The following EML2 variants were observed in gnomAD, a reference collection of about 807,000 sequenced individuals.
The protein encoded by EML2 is EMAP like 2, also known as echinoderm microtubule-associated protein-like 2.
Under a neutral mutation model 84.7 loss-of-function variants are expected in EML2, and 59 were observed. The ratio of observed to expected loss-of-function variants is 0.70; its 90% CI spans 0.56 to 0.86. EML2 has a LOEUF of 0.86. Among genes scored for constraint, EML2 ranks in the 40% least tolerant of loss-of-function variants. EML2 has a pLI of 0.00. For missense variants in EML2, 818 were observed against 855.6 expected (o/e 0.96, Z 0.55); for synonymous variants, 352 against 348.9 (o/e 1.01, Z -0.10).
upstream of EML2, chr19:45,641,803 C>T (rs1463478709): frequency 6.6e-6 from 10 of 1,524,896 alleles, no homozygotes; most frequent in Non-Finnish European, 7.9e-6. Context: ...AGGCGAGTGC[C>T]GTGAGCAAGC....
rs978847016 is a variant in EML2 at position 45,618,649 on chromosome 19, T to C, written c.1254+411A>G. Reference sequence around the variant, plus strand: ...TCCCTAGATGAAACCCCCACCCTGCTTAAAAAGACCTTGTTTGGGCCAGGC... The same window carrying C: ...TCCCTAGATGAAACCCCCACCCTGCCTAAAAAGACCTTGTTTGGGCCAGGC... On this transcript the variant is annotated intron_variant, in intron 12 of 18. Transcript: ENST00000245925. 3.9e-5 allele frequency among the ~76,000 whole-genome samples: 6 copies of C among 152,174 alleles called. No homozygotes were observed. In the South Asian group the frequency reaches 1.2e-3, roughly 32 times the overall value.
Position 45,624,742 on chromosome 19 carries a change from C to A in EML2, c.818G>T (p.Gly273Val). ...GGDVVTGDSG[G>V]NLYVWGKGGN... is the part of the protein sequence containing the mutation. The stretch of plus-strand genomic sequence containing the variant: ...ACCTTTGCCCCAAACATAGAGGTTC[C>A]CCCCAGAGTCCCCCGTGACCACGTC... The change falls in exon 9 of 19, where the codon GGG becomes GTG. Residue 273 changes from glycine (G) to valine (V), a missense_variant. Transcript: ENST00000245925. 2 of 1,613,756 alleles carry A rather than the reference C, an allele frequency of 1.2e-6. No individual in the cohort carries two copies. Among genetic ancestry groups the A allele is most frequent in the South Asian group, 1.1e-5 (1 of 91,034 alleles).
upstream of EML2, chr19:45,644,958 A>C: frequency 2.1e-6 from 1 of 472,658 alleles, no homozygotes; most frequent in East Asian, 4.3e-5. Flanking sequence ...GGGAGAGAGA[A>C]AGGGCAGAGT....
At position 45,613,597 on chromosome 19, in the gene EML2, A is replaced by G; in HGVS notation, c.1768T>C (p.Ser590Pro). 6.2e-7 allele frequency: 1 copy of G among 1,614,110 alleles called. No individual in the cohort carries two copies. Among genetic ancestry groups the G allele is most frequent in the Non-Finnish European group, 8.5e-7 (1 of 1,180,010 alleles). ...ARSHDGKLLA[S>P]ADDFGKVHLF... ...TGAACTTTGCCAAAGTCATCAGCTG[A>G]AGCCAGCAACTTCCCATCATGAGAG... Residue 590 changes from serine to proline, a missense_variant, in exon 18 of 19, where the codon TCA becomes CCA. Ser to Pro is a moderately conservative substitution (Grantham distance 74). Coordinates refer to ENST00000245925, the MANE Select transcript of EML2 (RefSeq NM_012155.4).
Position 45,609,652 on chromosome 19 carries a change from C to T in EML2, c.*11G>A, listed in dbSNP as rs1274292220. ...ATTCCTGCCCTGACACCTGACTCTT[C>T]CCTGGCCGCATCAGACCACCCGCCA... On this transcript the variant is annotated 3_prime_UTR_variant, in exon 19 of 19. Coordinates refer to ENST00000245925, the MANE Select transcript of EML2 (RefSeq NM_012155.4). 1 of 1,594,488 alleles carries T rather than the reference C, an allele frequency of 6.3e-7. No homozygotes were observed. The highest frequency in any genetic ancestry group is 1.1e-5 in the South Asian group (1 of 89,210).
chr19:45,629,254 G>C (rs8102440), intron 7 of EML2, among the ~76,000 whole-genome samples: 75,868 of 151,586 alleles, frequency 0.5, 19,223 homozygotes, highest in East Asian at 0.63. Flanking sequence ...CTTAGCCTCC[G>C]AAGTAGCTGG....
chr19:45,637,670 T>TTC, intron 3 of EML2, among the ~76,000 whole-genome samples: 1 of 58,588 alleles, frequency 1.7e-5, no homozygotes, highest in Non-Finnish European at 3.6e-5. Context: ...TTCTTTTCTT[T>TTC]TTTTTTTTTT....
chr19:45,610,019 T>C (rs1027339376), intron 18 of EML2, among the ~76,000 whole-genome samples: 4 of 152,082 alleles, frequency 2.6e-5, no homozygotes. Context: ...ATCACAGATA[T>C]GCGCCCCCAC....
At chr19:45,612,888 C>CTT (rs35806359) in intron 18 of EML2, among the ~76,000 whole-genome samples, 20 of 149,276 alleles carry the variant, frequency 1.3e-4, no homozygotes, top group East Asian at 1.2e-3. Context: ...TAACGTCCAG[C>CTT]TTTTTTTTTT....
At position 45,634,416 on chromosome 19, in the gene EML2, C is replaced by T. The variant is rs190689556; in HGVS notation, c.235G>A (p.Glu79Lys). 6.8e-6 allele frequency: 11 copies of T among 1,614,022 alleles called. No homozygotes were observed. The East Asian group carries it at 1.6e-4, about 23-fold the overall frequency. The change falls in exon 4 of 19, where the codon GAG (glutamate) becomes AAG (lysine). Residue 79 changes from glutamate (E) to lysine (K), a missense_variant. Glu to Lys is a moderately conservative substitution (Grantham distance 56). Coordinates refer to ENST00000245925, the MANE Select transcript of EML2 (RefSeq NM_012155.4). ...RANLYLLPTGEIVYFVASVAV... is the reference protein window; with the variant it reads ...RANLYLLPTGKIVYFVASVAV... ...ACGGAGGCCACAAAGTACACTATCT[C>T]CCCGGTGGGCAGCAAATAAAGGTTG...
chr19:45,619,128 C>G lies in EML2; in HGVS notation c.1186G>C (p.Gly396Arg). 6.2e-7 allele frequency: 1 copy of G among 1,612,968 alleles called. No homozygotes were observed. The highest frequency in any genetic ancestry group is 1.3e-5 in the African/African-American group (1 of 75,002). Residue 396 changes from glycine to arginine, a missense_variant, in exon 12 of 19, where the codon GGG becomes CGG. Transcript: ENST00000245925. ...CATAGATGCACCAGCTTATCCTGCC[C>G]GCAGGTCACAAACTGGGCCCGACTG... ...HPSRAQFVTC[G>R]QDKLVHLWSS...
chr19:45,620,088 A>T (rs1181000795), intron 11 of EML2, among the ~76,000 whole-genome samples: 1 of 152,126 alleles, frequency 6.6e-6, no homozygotes, highest in Admixed American at 6.6e-5. Flanking sequence ...GTGGTCACAA[A>T]ATGGAAATGT....
chr19:45,644,612 C>T (rs531802978), upstream of EML2: 14 of 451,626 alleles, frequency 3.1e-5, no homozygotes, highest in South Asian at 2.0e-4. Flanking sequence ...CCTCCGCTCC[C>T]TCCTGACCAT....
intron 5 of EML2, 26 bp from the exon 6 acceptor site, chr19:45,632,997 T>C (rs1205513986): frequency 1.2e-6 from 2 of 1,606,466 alleles, no homozygotes; most frequent in Non-Finnish European, 8.5e-7. Flanking sequence ...GCTTGTTACC[T>C]TGGGGGTGCC....
chr19:45,642,580 TG>T, upstream of EML2: 1 of 1,130,098 alleles, frequency 8.8e-7, no homozygotes, highest in Non-Finnish European at 1.2e-6. Flanking sequence ...CACAGCGCGC[TG>T]GCCGTGTGAC....
upstream of EML2, chr19:45,643,492 C>G (rs1974779105): frequency 2.0e-6 from 3 of 1,505,746 alleles, no homozygotes; most frequent in Non-Finnish European, 2.7e-6. Flanking sequence ...CCCCGAGTCG[C>G]CCCCCCAACC....
At chr19:45,639,233 G>C (rs141624595) in intron 1 of EML2, 124 bp downstream of exon 1, 153 of 1,048,882 alleles carry the variant, frequency 1.5e-4, no homozygotes, top group Non-Finnish European at 1.9e-4. Flanking sequence ...GGAGAAACGG[G>C]GAGAGTTTAA....
At chr19:45,616,604 C>T (rs747926088) in intron 14 of EML2, 46 bp from the exon 15 acceptor site, 1 of 1,499,808 alleles carries the variant, frequency 6.7e-7, no homozygotes, top group Non-Finnish European at 9.2e-7. Context: ...CAGGCTCCAT[C>T]CCCTCCTCGC....
At chr19:45,626,673 G>A (rs1338503716) in intron 8 of EML2, 32 bp downstream of exon 8, 7 of 1,591,930 alleles carry the variant, frequency 4.4e-6, no homozygotes, top group Non-Finnish European at 5.2e-6. Flanking sequence ...CTCTCTCAGG[G>A]CCAGCCTGTC....
Sources: allele counts gnomAD v4.1 joint callset (sites outside exome capture counted in the v4.1 genomes callset), GRCh38; gene constraint gnomAD v4.1.1; transcripts MANE v1.5; gene names NCBI Gene and HGNC (gene_info 2026-07-23, HGNC 2026-07-21).